The following RCBTB1 variants were observed in gnomAD, a reference collection of about 807,000 sequenced individuals.
RCBTB1 encodes the protein RCC1 and BTB domain containing protein 1, also known as RCC1 and BTB domain-containing protein 1.
A neutral mutation model predicts 62.4 loss-of-function variants in RCBTB1; 46 were observed. The observed-to-expected ratio is 0.74, with a 90% CI of 0.58 to 0.94. RCBTB1 has a LOEUF of 0.94. Ranked by LOEUF, RCBTB1 falls within the 40% of genes least tolerant of loss-of-function variation. The pLI is 0.00. For synonymous variants in RCBTB1, 222 were observed against 245.8 expected, an observed-to-expected ratio of 0.90 and a Z score of 0.91; for missense variants, 565 against 654.9, an observed-to-expected ratio of 0.86 and a Z score of 1.50.
chr13:49,552,123 G>T, intron 7 of RCBTB1, 55 bp downstream of exon 7: 2 of 1,156,418 alleles, frequency 1.7e-6, no homozygotes, highest in Non-Finnish European at 2.5e-6. Context: ...ATTTCTCCAA[G>T]TTAGAGCAAG....
chr13:49,545,788 C>T (rs1008970651), intron 9 of RCBTB1, among the ~76,000 whole-genome samples: 6 of 152,170 alleles, frequency 3.9e-5, no homozygotes, highest in African/African-American at 1.4e-4. Flanking sequence ...ACCTCGGCTT[C>T]CAAGCCTGGG....
intron 3 of RCBTB1, 67 bp downstream of exon 3, chr13:49,567,087 C>A: frequency 1.3e-6 from 2 of 1,484,730 alleles, no homozygotes; most frequent in Non-Finnish European, 1.9e-6. Context: ...CATCTTTGAA[C>A]TGGACACTTT....
chr13:49,575,939 G>A (rs1158844290), intron 2 of RCBTB1, among the ~76,000 whole-genome samples: 3 of 152,140 alleles, frequency 2.0e-5, no homozygotes, highest in East Asian at 1.9e-4. Context: ...TGTAATCCCA[G>A]CATTCTGGGA....
chr13:49,550,302 T>TTC (rs1409409362), intron 8 of RCBTB1: 1 of 281,028 alleles, frequency 3.6e-6, no homozygotes, highest in Non-Finnish European at 5.4e-6. Context: ...ATGTAACTTT[T>TTC]TCTCTCATCT....
chr13:49,537,095 G>A (rs904684545), intron 12 of RCBTB1, among the ~76,000 whole-genome samples: 1 of 152,136 alleles, frequency 6.6e-6, no homozygotes, highest in Non-Finnish European at 1.5e-5. Context: ...CTAGTTGAAT[G>A]TTAATAATTT....
intron 1 of RCBTB1, among the ~76,000 whole-genome samples, chr13:49,583,191 A>G (rs1226792703): frequency 6.6e-6 from 1 of 152,004 alleles, no homozygotes; most frequent in Non-Finnish European, 1.5e-5. Flanking sequence ...AAAAAAGTGG[A>G]GTGGAGCAAT....
At chr13:49,540,486 C>A (rs1960260371) in intron 12 of RCBTB1, among the ~76,000 whole-genome samples, 1 of 152,182 alleles carries the variant, frequency 6.6e-6, no homozygotes, top group Non-Finnish European at 1.5e-5. Flanking sequence ...TCATACACAT[C>A]CCCAGCTTAT....
chr13:49,536,621 C>G (rs1039698944), intron 12 of RCBTB1, among the ~76,000 whole-genome samples: 42 of 152,008 alleles, frequency 2.8e-4, no homozygotes, highest in Non-Finnish European at 5.1e-4. Flanking sequence ...CCAAGGAGGA[C>G]CAGAAGGATC....
Position 49,545,247 on chromosome 13 carries a change from T to G in RCBTB1, c.1046-384A>C, listed in dbSNP as rs539633822. 7.9e-4 allele frequency among the ~76,000 whole-genome samples: 120 copies of G among 152,300 alleles called. 2 individuals are homozygous for G. In the South Asian group the frequency reaches 0.025, roughly 31 times the overall value. On this transcript the variant is annotated intron_variant, in intron 9 of 12. Coordinates refer to ENST00000378302, the MANE Select transcript of RCBTB1 (RefSeq NM_018191.4). The stretch of plus-strand genomic sequence containing the variant: ...TGACTGAAACACTAAGAATATCTTT[T>G]TTCTGCTTTGGGGTACTTTCAAGGG...
At chr13:49,561,402 C>A (rs1294538664) in intron 4 of RCBTB1, among the ~76,000 whole-genome samples, 1 of 152,104 alleles carries the variant, frequency 6.6e-6, no homozygotes, top group Non-Finnish European at 1.5e-5. Context: ...TGACAGAAAC[C>A]ATAAATGGGA....
chr13:49,557,628 A>G (rs1263876045), intron 5 of RCBTB1, among the ~76,000 whole-genome samples: 1 of 152,174 alleles, frequency 6.6e-6, no homozygotes, highest in African/African-American at 2.4e-5. Context: ...GCCTTAAAAA[A>G]TGAACTCTAG....
At chr13:49,564,807 C>T (rs1295262980) in intron 4 of RCBTB1, among the ~76,000 whole-genome samples, 7 of 151,350 alleles carry the variant, frequency 4.6e-5, no homozygotes, top group East Asian at 1.9e-4. Flanking sequence ...AGGAGAATGG[C>T]GTGAACCCAG....
At chr13:49,577,818 C>T (rs1717280423) in intron 2 of RCBTB1, among the ~76,000 whole-genome samples, 1 of 152,196 alleles carries the variant, frequency 6.6e-6, no homozygotes, top group African/African-American at 2.4e-5. Context: ...CTACAGCAAG[C>T]TTTAAACTAC....
At chr13:49,564,442 G>A (rs1008481996) in intron 4 of RCBTB1, among the ~76,000 whole-genome samples, 9 of 150,906 alleles carry the variant, frequency 6.0e-5, no homozygotes, top group African/African-American at 2.2e-4. Flanking sequence ...AAAATTAGCC[G>A]GGGCGTGGTG....
At chr13:49,570,265 G>A (rs1963309409) in intron 2 of RCBTB1, among the ~76,000 whole-genome samples, 1 of 152,302 alleles carries the variant, frequency 6.6e-6, no homozygotes, top group South Asian at 2.1e-4. Context: ...CTAAGGGTTT[G>A]GTAATCTACT....
At chr13:49,584,346 T>C (rs1249157058) in intron 1 of RCBTB1, among the ~76,000 whole-genome samples, 1 of 152,178 alleles carries the variant, frequency 6.6e-6, no homozygotes, top group Non-Finnish European at 1.5e-5. Flanking sequence ...GTCTAGAGTA[T>C]TAATAAATAG....
intron 10 of RCBTB1, among the ~76,000 whole-genome samples, chr13:49,542,163 G>C (rs531790415): frequency 6.6e-6 from 1 of 150,898 alleles, no homozygotes; most frequent in African/African-American, 2.4e-5. Flanking sequence ...GTGGCGAGCC[G>C]AGATTGCGCT....
intron 2 of RCBTB1, among the ~76,000 whole-genome samples, chr13:49,579,333 T>C (rs1963960042): frequency 6.6e-6 from 1 of 152,078 alleles, no homozygotes; most frequent in Non-Finnish European, 1.5e-5. Context: ...ACTACAAGAA[T>C]GAAAGGGAGG....
At chr13:49,572,157 C>A (rs193240873) in intron 2 of RCBTB1, among the ~76,000 whole-genome samples, 78 of 151,852 alleles carry the variant, frequency 5.1e-4, no homozygotes, top group African/African-American at 1.8e-3. Flanking sequence ...TGAAACCCTG[C>A]CTCTACAAAA....
Sources: gnomAD v4.1 joint callset for allele counts (sites outside exome capture counted in the v4.1 genomes callset) on GRCh38, gnomAD v4.1.1 for gene constraint, MANE v1.5 for transcripts, NCBI Gene and HGNC (gene_info 2026-07-23, HGNC 2026-07-21) for gene names.